Variants in SEC22C observed in about 807,000 individuals in gnomAD.
SEC22C encodes SEC22 homolog C, vesicle trafficking protein.
SEC22C carries 29 observed loss-of-function variants against 34.7 expected under a neutral mutation model. The observed-to-expected ratio is 0.84, with a 90% CI of 0.62 to 1.14. The LOEUF (loss-of-function observed/expected upper bound fraction) is 1.14, where lower values mean the gene tolerates loss of function less well. Among genes scored for constraint, SEC22C ranks in the 50% most tolerant of loss-of-function variants. The pLI, the probability that SEC22C is intolerant of heterozygous loss-of-function variation, is 0.00. For missense variants in SEC22C, 337 were observed against 369.0 expected (o/e 0.91, Z 0.71); for synonymous variants, 117 against 132.8 (o/e 0.88, Z 0.82).
At chr3:42,592,967 A>G (rs1704903837) in intron 1 of SEC22C, among the ~76,000 whole-genome samples, 1 of 152,216 alleles carries the variant, frequency 6.6e-6, no homozygotes, top group African/African-American at 2.4e-5. Context: ...CTCTGTATCC[A>G]TGGGTTCTGC....
upstream of SEC22C, among the ~76,000 whole-genome samples, chr3:42,585,569 C>G (rs544944174): frequency 6.6e-6 from 1 of 152,288 alleles, no homozygotes; most frequent in South Asian, 2.1e-4. Context: ...TAAGCTCCAT[C>G]GAGTCTTCAT....
chr3:42,555,433 T>A (rs1026909008), intron 6 of SEC22C, among the ~76,000 whole-genome samples: 2 of 152,224 alleles, frequency 1.3e-5, no homozygotes, highest in Non-Finnish European at 2.9e-5. Context: ...AAAGTGATCC[T>A]CCCACCTTGG....
chr3:42,555,300 T>C (rs1387297982), intron 6 of SEC22C, among the ~76,000 whole-genome samples: 3 of 151,678 alleles, frequency 2.0e-5, no homozygotes, highest in Admixed American at 6.6e-5. Context: ...TGAGCCAAGA[T>C]TGTGCCACTG....
chr3:42,572,631 TAATAAG>T (rs1703716927), intron 1 of SEC22C, among the ~76,000 whole-genome samples: 1 of 152,166 alleles, frequency 6.6e-6, no homozygotes, highest in Non-Finnish European at 1.5e-5. Flanking sequence ...CATTGGGCAG[TAATAAG>T]ACAGTCCCTT....
At chr3:42,561,378 T>C in intron 3 of SEC22C, 82 bp from the exon 4 acceptor site, 1 of 1,434,250 alleles carries the variant, frequency 7.0e-7, no homozygotes, top group Non-Finnish European at 9.7e-7. Context: ...GAAGTTCACA[T>C]TTCTTTTTTT....
intron 1 of SEC22C, among the ~76,000 whole-genome samples, chr3:42,572,744 G>C (rs1183568914): frequency 1.3e-5 from 2 of 152,148 alleles, no homozygotes; most frequent in African/African-American, 2.4e-5. Flanking sequence ...AGTTTCAATA[G>C]AAAATCACTG....
chr3:42,548,824 T>G lies in SEC22C; in HGVS notation c.*4424A>C, dbSNP rs1702109275. ...TTGTAAAGGCCAGAAGAAATGGCTG[T>G]GCTGTGCTGCCTGAAGCAGAAAAAC... On this transcript the variant is annotated 3_prime_UTR_variant, in exon 7 of 7. Coordinates refer to ENST00000264454, the MANE Select transcript of SEC22C (RefSeq NM_032970.4). 1 of 1,436,044 alleles carries G rather than the reference T, an allele frequency of 7.0e-7. No homozygotes were observed. Among genetic ancestry groups the G allele is most frequent in the Non-Finnish European group, 9.1e-7 (1 of 1,094,380 alleles). 89.0% of individuals were successfully genotyped at this position (1,436,044 alleles called of 1,614,324 possible).
At chr3:42,556,682 T>C (rs1702544033) in intron 5 of SEC22C, among the ~76,000 whole-genome samples, 1 of 152,176 alleles carries the variant, frequency 6.6e-6, no homozygotes, top group Non-Finnish European at 1.5e-5. Flanking sequence ...GTAATATCTA[T>C]TTGTTGATGC....
chr3:42,580,838 G>A (rs1001814491), intron 1 of SEC22C, among the ~76,000 whole-genome samples: 20 of 152,182 alleles, frequency 1.3e-4, no homozygotes, highest in Non-Finnish European at 1.9e-4. Flanking sequence ...GCACTAATAA[G>A]CTAATCAGAG....
Position 42,561,129 on chromosome 3 carries a change from G to A in SEC22C, c.514C>T (p.His172Tyr), listed in dbSNP as rs150171206. The A allele has an allele frequency of 4.2e-4, 677 of 1,613,460 alleles. 3 individuals are homozygous for A. The highest frequency in any genetic ancestry group is 9.9e-4 in the Middle Eastern group (6 of 6,058). Residue 172 changes from histidine to tyrosine, a missense_variant, in exon 4 of 7, where the codon CAC becomes TAC. His to Tyr is a moderately conservative substitution (Grantham distance 83). Coordinates refer to ENST00000264454, the MANE Select transcript of SEC22C (RefSeq NM_032970.4). ...ACAAGCCACTTACCAGGCTCCAAGTGCATCGGTGTGTGACCATTCATCACC... is the reference window on the plus strand; with the variant it reads ...ACAAGCCACTTACCAGGCTCCAAGTACATCGGTGTGTGACCATTCATCACC... Reference protein sequence around the residue: ...NGVMNGHTPMHLEPAPNFRME... With the variant: ...NGVMNGHTPMYLEPAPNFRME...
intron 2 of SEC22C, chr3:42,563,920 T>C: frequency 7.1e-7 from 1 of 1,407,128 alleles, no homozygotes; most frequent in Non-Finnish European, 9.4e-7. Context: ...ATCACTCTTA[T>C]TTATTCATGC....
intron 2 of SEC22C, among the ~76,000 whole-genome samples, chr3:42,565,388 G>C (rs1577320587): frequency 6.6e-6 from 1 of 152,254 alleles, no homozygotes; most frequent in East Asian, 1.9e-4. Flanking sequence ...CCTTATGGAA[G>C]AAATCCTTCA....
chr3:42,598,959 A>C (rs919973572), intron 1 of SEC22C, among the ~76,000 whole-genome samples: 1 of 146,808 alleles, frequency 6.8e-6, no homozygotes, highest in African/African-American at 2.6e-5. Context: ...AGATCTATAG[A>C]TCTATAGATA....
chr3:42,573,243 A>C (rs868443068), intron 1 of SEC22C, among the ~76,000 whole-genome samples: 8 of 152,356 alleles, frequency 5.3e-5, no homozygotes, highest in Middle Eastern at 3.4e-3. Flanking sequence ...TAAACCGAGG[A>C]GGCCAGGCAC....
rs1338534803 is a variant in SEC22C at position 42,548,659 on chromosome 3, T to G, written c.*4589A>C. The G allele has an allele frequency of 1.2e-6, 2 of 1,614,058 alleles. No individual in the cohort carries two copies. The highest frequency in any genetic ancestry group is 1.7e-4 in the Middle Eastern group (1 of 5,978). ...CCAGCAGAACCAGCTCCTTGGATCC[T>G]GGAATAAACCAAACATCAATGGTAC... is the stretch of plus-strand genomic sequence containing the variant. On this transcript the variant is annotated 3_prime_UTR_variant, in exon 7 of 7. Coordinates refer to ENST00000264454, the MANE Select transcript of SEC22C (RefSeq NM_032970.4).
rs1702096446 is a variant in SEC22C, at chr3:42,548,612, T to G, written c.*4636A>C. ...TCTCCTCATTTGGGTCAGGGGTGGC[T>G]GGCTCACGAGGTTTGGTCCAACCAG... On this transcript the variant is annotated 3_prime_UTR_variant, in exon 7 of 7. Transcript: ENST00000264454. 6.2e-7 allele frequency: 1 copy of G among 1,613,744 alleles called. No homozygotes were observed. Among genetic ancestry groups the G allele is most frequent in the Non-Finnish European group, 8.5e-7 (1 of 1,180,030 alleles).
intron 4 of SEC22C, among the ~76,000 whole-genome samples, chr3:42,558,964 T>G (rs1702714672): frequency 6.6e-6 from 1 of 152,232 alleles, no homozygotes; most frequent in Non-Finnish European, 1.5e-5. Context: ...CGTGCACTTC[T>G]AGAGCAATTC....
At chr3:42,599,264 C>G (rs1426048079) in intron 1 of SEC22C, among the ~76,000 whole-genome samples, 1 of 151,258 alleles carries the variant, frequency 6.6e-6, no homozygotes, top group East Asian at 2.0e-4. Context: ...CACGCCCGCC[C>G]ATGTAATGTG....
Position 42,551,512 on chromosome 3 carries a change from T to G in SEC22C, c.*1736A>C, listed in dbSNP as rs545880030. On this transcript the variant is annotated 3_prime_UTR_variant, in exon 7 of 7. Coordinates refer to ENST00000264454, the MANE Select transcript of SEC22C (RefSeq NM_032970.4). ...ATGTGCCATCACATCCGGCTAATTTTTTTTTTTGTAGAGATGAATCTTACT... is the reference window on the plus strand; with the variant it reads ...ATGTGCCATCACATCCGGCTAATTTGTTTTTTTGTAGAGATGAATCTTACT... 22 of 484,746 alleles carry G rather than the reference T, an allele frequency of 4.5e-5. No individual in the cohort carries two copies. The highest frequency in any genetic ancestry group is 4.4e-4 in the African/African-American group (21 of 47,430). The allele number at this position is 484,746 out of a possible 1,614,324, so 30.0% of individuals were successfully genotyped here.
Sources: gnomAD v4.1 joint callset for allele counts (sites outside exome capture counted in the v4.1 genomes callset) on GRCh38, gnomAD v4.1.1 for gene constraint, MANE v1.5 for transcripts, NCBI Gene and HGNC (gene_info 2026-07-23, HGNC 2026-07-21) for gene names.